CMAS: variants seen among roughly 807,000 people sequenced by gnomAD.
The protein encoded by CMAS is cytidine monophosphate N-acetylneuraminic acid synthetase.
In CMAS, 21 loss-of-function variants were observed where a neutral mutation model predicts 53.4. The observed-to-expected ratio is 0.39, with a 90% CI of 0.28 to 0.57. The LOEUF (loss-of-function observed/expected upper bound fraction) is 0.57, where lower values mean the gene tolerates loss of function less well. CMAS is among the 20% of genes least tolerant of loss of function. The pLI is 0.56. For missense variants in CMAS, 384 were observed against 534.9 expected (o/e 0.72, Z 2.78); for synonymous variants, 189 against 195.2 (o/e 0.97, Z 0.27).
At chr12:22,062,557 T>TAACA (rs781329546) in intron 7 of CMAS, 123 bp downstream of exon 7, 50 of 946,592 alleles carry the variant, frequency 5.3e-5, no homozygotes, top group Admixed American at 4.4e-4. Flanking sequence ...GGAACTCTTT[T>TAACA]AACAAACACT....
chr12:22,065,248 C>G lies in CMAS; in HGVS notation c.1242C>G (p.Ile414Met). 3 of 1,613,938 alleles carry G rather than the reference C, an allele frequency of 1.9e-6. No individual in the cohort carries two copies. The highest frequency in any genetic ancestry group is 2.5e-6 in the Non-Finnish European group (3 of 1,179,892). ...AATGTAATGGTGGCCGTGGTGCCAT[C>G]CGAGAATTTGCAGAGCACATTTGCC... ...ICKCNGGRGA[I>M]REFAEHICLL... The change falls in exon 8 of 8, where the codon ATC becomes ATG. Residue 414 changes from isoleucine to methionine, a missense_variant. Ile to Met is a conservative substitution (Grantham distance 10). Transcript: ENST00000229329.
intron 3 of CMAS, among the ~76,000 whole-genome samples, chr12:22,057,274 CAG>C (rs1204516792): frequency 1.4e-5 from 2 of 147,334 alleles, no homozygotes; most frequent in Non-Finnish European, 3.0e-5. Flanking sequence ...CACACACACA[CAG>C]ATTTGAGGAA....
intron 7 of CMAS, among the ~76,000 whole-genome samples, chr12:22,064,362 T>C (rs1950330635): frequency 6.6e-6 from 1 of 152,106 alleles, no homozygotes; most frequent in Non-Finnish European, 1.5e-5. Flanking sequence ...TTAAAAATGG[T>C]AATTTTTCAG....
chr12:22,053,740 G>A lies in CMAS; in HGVS notation c.261-1409G>A, dbSNP rs909229835. Among the ~76,000 whole-genome samples the A allele has an allele frequency of 2.6e-4, 39 of 148,238 alleles. No individual in the cohort carries two copies. The East Asian group carries it at 4.5e-3, about 17-fold the overall frequency. On this transcript the variant is annotated intron_variant, in intron 1 of 7. Coordinates refer to ENST00000229329, the MANE Select transcript of CMAS (RefSeq NM_018686.6). ...TAAAAATACAAAAAATTAGCCGGGC[G>A]TGTTGGCGGGCGCCTGTAGTCCCAG...
intron 7 of CMAS, among the ~76,000 whole-genome samples, chr12:22,064,867 T>TG (rs1950335320): frequency 6.6e-6 from 1 of 152,350 alleles, no homozygotes; most frequent in Admixed American, 6.5e-5. Context: ...GTAATATGCA[T>TG]GGCAGGTAGC....
intron 1 of CMAS, among the ~76,000 whole-genome samples, chr12:22,049,499 T>C (rs1294164260): frequency 1.3e-5 from 2 of 152,230 alleles, no homozygotes; most frequent in African/African-American, 4.8e-5. Flanking sequence ...ATCAACCTTT[T>C]CTGTACCAAG....
At chr12:22,059,492 CAG>C (rs1281404175) in intron 4 of CMAS, among the ~76,000 whole-genome samples, 1 of 152,036 alleles carries the variant, frequency 6.6e-6, no homozygotes, top group Non-Finnish European at 1.5e-5. Flanking sequence ...AAGGCAAAAA[CAG>C]CTAATAAATG....
rs1565530225 is a variant in CMAS, at chr12:22,055,546, A to C, written c.495A>C (p.Gly165=). The C allele has an allele frequency of 6.2e-7, 1 of 1,612,654 alleles. No homozygotes were observed. Residue 165 remains glycine (G), a synonymous_variant, in exon 3 of 8, where the codon GGA becomes GGC. Coordinates refer to ENST00000229329, the MANE Select transcript of CMAS (RefSeq NM_018686.6). ...TTGCAGAAATGATTCGAGAAGAAGG[A>C]TATGATTCTGTTTTCTCTGTTGTGA... ...QKVAEMIREE[G]YDSVFSVVRR...
chr12:22,049,016 G>A (rs1950223445), intron 1 of CMAS, among the ~76,000 whole-genome samples: 1 of 152,154 alleles, frequency 6.6e-6, no homozygotes. Flanking sequence ...TGTTGCAGTA[G>A]TAACAGAATA....
intron 6 of CMAS, 59 bp from the exon 7 acceptor site, chr12:22,062,220 GTT>G: frequency 6.9e-7 from 1 of 1,448,154 alleles, no homozygotes; most frequent in Non-Finnish European, 9.2e-7. Flanking sequence ...AAAGATTTCT[GTT>G]TTCTTCACTT....
chr12:22,060,368 G>A (rs77506058), intron 4 of CMAS, among the ~76,000 whole-genome samples: 2,822 of 72,490 alleles, frequency 0.039, 113 homozygotes, highest in African/African-American at 0.14. Context: ...AAAGCTGGGC[G>A]TGGTGGCTGA....
chr12:22,063,735 A>C (rs78336839), intron 7 of CMAS: 1 of 144,094 alleles, frequency 6.9e-6, no homozygotes, highest in Non-Finnish European at 1.5e-5. Flanking sequence ...TAAAAAAAAA[A>C]CACACACACA....
intron 1 of CMAS, among the ~76,000 whole-genome samples, chr12:22,050,158 G>A (rs759687219): frequency 4.6e-5 from 7 of 152,160 alleles, no homozygotes; most frequent in African/African-American, 9.7e-5. Context: ...TAGCTACGTC[G>A]TTTGTACCTT....
At chr12:22,048,704 C>T (rs533553186) in intron 1 of CMAS, among the ~76,000 whole-genome samples, 16 of 152,314 alleles carry the variant, frequency 1.1e-4, no homozygotes, top group African/African-American at 3.4e-4. Context: ...AACCCTGTCT[C>T]AGTGAAATGC....
intron 3 of CMAS, among the ~76,000 whole-genome samples, chr12:22,056,632 G>A (rs916993173): frequency 4.1e-5 from 6 of 147,602 alleles, no homozygotes; most frequent in Non-Finnish European, 8.8e-5. Context: ...ATGTCTCCCT[G>A]CTTTCCAGCC....
At chr12:22,047,733 T>C (rs972738203) in intron 1 of CMAS, among the ~76,000 whole-genome samples, 12 of 152,148 alleles carry the variant, frequency 7.9e-5, no homozygotes, top group African/African-American at 2.9e-4. Context: ...TCAGTAGCTA[T>C]TTACTGAGCC....
chr12:22,051,556 G>A (rs183948741), intron 1 of CMAS, among the ~76,000 whole-genome samples: 1 of 152,284 alleles, frequency 6.6e-6, no homozygotes, highest in East Asian at 1.9e-4. Context: ...CACTCTGCTT[G>A]ACTGGCCTGT....
intron 1 of CMAS, among the ~76,000 whole-genome samples, chr12:22,054,794 A>G (rs1950257154): frequency 6.6e-6 from 1 of 152,132 alleles, no homozygotes; most frequent in Non-Finnish European, 1.5e-5. Context: ...TGCATGTTGC[A>G]GGGGTTCGGT....
chr12:22,050,277 C>T (rs1415041467), intron 1 of CMAS, among the ~76,000 whole-genome samples: 1 of 152,220 alleles, frequency 6.6e-6, no homozygotes, highest in Non-Finnish European at 1.5e-5. Context: ...TTGGGTAAAT[C>T]GCTTAACCTC....
Sources: allele counts gnomAD v4.1 joint callset (sites outside exome capture counted in the v4.1 genomes callset), GRCh38; gene constraint gnomAD v4.1.1; transcripts MANE v1.5; gene names NCBI Gene and HGNC (gene_info 2026-07-23, HGNC 2026-07-21).